The following LOC400499 variants were observed in gnomAD, a reference collection of about 807,000 sequenced individuals.
the LOC400499 span, chr16:11,493,548 G>C: frequency 2.6e-6 from 1 of 391,452 alleles, no homozygotes; most frequent in Non-Finnish European, 4.5e-6. Context: ...TTAAATACAT[G>C]ATGAATGAAC....
the LOC400499 span, chr16:11,402,146 T>G: frequency 7.5e-6 from 3 of 398,618 alleles, no homozygotes. Flanking sequence ...GGGCAGCGGG[T>G]GGGTGAGCTC....
At chr16:11,489,017 G>C in the LOC400499 span, 9 of 395,280 alleles carry the variant, frequency 2.3e-5, no homozygotes, top group Non-Finnish European at 4.0e-5. Flanking sequence ...AGAGACCTAC[G>C]TCTTCTCTCA....
chr16:11,426,514 T>A, the LOC400499 span, among the ~76,000 whole-genome samples: 10 of 151,942 alleles, frequency 6.6e-5, no homozygotes, highest in African/African-American at 1.4e-4. Context: ...AAATTTTGAA[T>A]GTTTTCTTTG....
chr16:11,494,630 A>G, the LOC400499 span: 2 of 399,254 alleles, frequency 5.0e-6, no homozygotes, highest in Non-Finnish European at 8.8e-6. Context: ...GGCGTCTCCC[A>G]GGATCCTCAC....
At chr16:11,477,509 A>G in the LOC400499 span, among the ~76,000 whole-genome samples, 4 of 152,092 alleles carry the variant, frequency 2.6e-5, no homozygotes, top group South Asian at 2.1e-4. Flanking sequence ...GCGTCACACG[A>G]GTTCAGTGAG....
the LOC400499 span, among the ~76,000 whole-genome samples, chr16:11,455,507 G>C: frequency 6.6e-6 from 1 of 152,082 alleles, no homozygotes; most frequent in Non-Finnish European, 1.5e-5. Flanking sequence ...GGCCAAAGAA[G>C]GTGGATCACT....
the LOC400499 span, among the ~76,000 whole-genome samples, chr16:11,413,423 G>A: frequency 6.6e-6 from 1 of 152,168 alleles, no homozygotes; most frequent in Non-Finnish European, 1.5e-5. Flanking sequence ...ATCTGAAACA[G>A]GAGGGTGTGA....
At chr16:11,403,012 C>T in the LOC400499 span, among the ~76,000 whole-genome samples, 1 of 152,076 alleles carries the variant, frequency 6.6e-6, no homozygotes, top group Non-Finnish European at 1.5e-5. Context: ...GTCCTCGCAA[C>T]AACAGATGGC....
chr16:11,449,904 G>A, the LOC400499 span, among the ~76,000 whole-genome samples: 1 of 152,168 alleles, frequency 6.6e-6, no homozygotes, highest in Non-Finnish European at 1.5e-5. Flanking sequence ...CCACCACCCC[G>A]GGCCAGGCCG....
chr16:11,514,904 G>A, the LOC400499 span, among the ~76,000 whole-genome samples: 1 of 152,154 alleles, frequency 6.6e-6, no homozygotes, highest in Non-Finnish European at 1.5e-5. Flanking sequence ...TTGATAGTAA[G>A]TGAACATGAA....
the LOC400499 span, among the ~76,000 whole-genome samples, chr16:11,436,345 G>C: frequency 1.3e-5 from 2 of 152,128 alleles, no homozygotes; most frequent in East Asian, 1.9e-4. Flanking sequence ...GATGGCATCT[G>C]GGTACCCAAG....
chr16:11,489,274 T>C, the LOC400499 span, among the ~76,000 whole-genome samples: 1 of 152,238 alleles, frequency 6.6e-6, no homozygotes, highest in Non-Finnish European at 1.5e-5. Context: ...TTCCACCATG[T>C]ACCACTGTGG....
chr16:11,514,139 A>G, the LOC400499 span, among the ~76,000 whole-genome samples: 1 of 152,208 alleles, frequency 6.6e-6, no homozygotes, highest in East Asian at 1.9e-4. Context: ...CCCAGGGAAA[A>G]GGGACTCAAC....
the LOC400499 span, chr16:11,398,317 C>T: frequency 8.1e-7 from 1 of 1,232,068 alleles, no homozygotes; most frequent in African/African-American, 1.5e-5. Flanking sequence ...CCCTGGTCCT[C>T]CAGCTGCCCC....
At chr16:11,491,662 C>A in the LOC400499 span, 1 of 379,392 alleles carries the variant, frequency 2.6e-6, no homozygotes, top group Non-Finnish European at 4.7e-6. Context: ...CAGCCCCACC[C>A]CTGCCCACAC....
chr16:11,430,902 T>A, the LOC400499 span: 1 of 397,344 alleles, frequency 2.5e-6, no homozygotes, highest in Middle Eastern at 6.3e-4. Context: ...CATACCCCTT[T>A]ATCTAAACCT....
the LOC400499 span, chr16:11,391,659 C>G: frequency 8.1e-7 from 1 of 1,232,032 alleles, no homozygotes; most frequent in Non-Finnish European, 1.0e-6. Context: ...CCCCCTCCCA[C>G]ACTTACATTC....
the LOC400499 span, among the ~76,000 whole-genome samples, chr16:11,498,595 TC>T: frequency 6.8e-6 from 1 of 147,982 alleles, no homozygotes; most frequent in Non-Finnish European, 1.5e-5. Flanking sequence ...CCCACCCCCC[TC>T]CTCTCCCCAG....
the LOC400499 span, among the ~76,000 whole-genome samples, chr16:11,387,582 G>A: frequency 6.6e-6 from 1 of 152,162 alleles, no homozygotes; most frequent in African/African-American, 2.4e-5. Flanking sequence ...CCGGGTCTTG[G>A]GCAGCATGGG....
Sources: gnomAD v4.1 joint callset for allele counts (sites outside exome capture counted in the v4.1 genomes callset) on GRCh38, gnomAD v4.1.1 for gene constraint, MANE v1.5 for transcripts.